Variants in CDH18 observed in about 807,000 individuals in gnomAD.
The protein encoded by CDH18 is cadherin-18.
In CDH18, 31 loss-of-function variants were observed where a neutral mutation model predicts 67.9. That is an observed-to-expected ratio of 0.46 (90% CI 0.34 to 0.62). The LOEUF is 0.62. CDH18 is among the 20% of genes least tolerant of loss of function. CDH18 has a pLI of 0.01. For missense variants in CDH18, 890 were observed against 975.5 expected, an observed-to-expected ratio of 0.91 and a Z score of 1.17; for synonymous variants, 362 against 347.2, an observed-to-expected ratio of 1.04 and a Z score of -0.48.
intron 1 of CDH18, among the ~76,000 whole-genome samples, chr5:20,360,828 A>T (rs1259563958): frequency 6.6e-6 from 1 of 151,884 alleles, no homozygotes; most frequent in Non-Finnish European, 1.5e-5. Flanking sequence ...TGTAAGCCTA[A>T]TTTTTTTTCA....
At chr5:19,763,579 A>G (rs1239532981) in intron 3 of CDH18, among the ~76,000 whole-genome samples, 3 of 152,218 alleles carry the variant, frequency 2.0e-5, no homozygotes, top group African/African-American at 7.2e-5. Context: ...GCAGATATAT[A>G]GAGAAGTCAT....
At chr5:20,466,534 TGAATAA>T (rs1343689992) in intron 1 of CDH18, among the ~76,000 whole-genome samples, 3 of 152,122 alleles carry the variant, frequency 2.0e-5, no homozygotes, top group South Asian at 2.1e-4. Flanking sequence ...AAATACATAT[TGAATAA>T]GAATGAGTGA....
intron 2 of CDH18, among the ~76,000 whole-genome samples, chr5:20,022,304 T>C (rs1318064217): frequency 6.6e-6 from 1 of 152,210 alleles, no homozygotes; most frequent in Non-Finnish European, 1.5e-5. Flanking sequence ...AAGTAGCTGG[T>C]AAGGTTTGGA....
intron 2 of CDH18, among the ~76,000 whole-genome samples, chr5:20,103,958 T>C (rs1422953142): frequency 6.6e-6 from 1 of 151,576 alleles, no homozygotes; most frequent in Non-Finnish European, 1.5e-5. Context: ...TACAGTAACA[T>C]GCCATACAGG....
intron 3 of CDH18, among the ~76,000 whole-genome samples, chr5:19,810,664 A>G (rs1246535328): frequency 2.6e-5 from 4 of 152,102 alleles, no homozygotes; most frequent in African/African-American, 4.8e-5. Context: ...AATTAGGTGT[A>G]AAAATCTTAA....
At chr5:20,137,374 C>A (rs1037799976) in intron 2 of CDH18, among the ~76,000 whole-genome samples, 3 of 152,072 alleles carry the variant, frequency 2.0e-5, no homozygotes, top group African/African-American at 7.2e-5. Flanking sequence ...TTGATTGAAT[C>A]GGCTACTGAA....
intron 2 of CDH18, among the ~76,000 whole-genome samples, chr5:19,911,236 G>A (rs913818581): frequency 6.6e-6 from 1 of 152,128 alleles, no homozygotes; most frequent in Non-Finnish European, 1.5e-5. Flanking sequence ...TGGTGGCTGA[G>A]CATGCTGATC....
chr5:20,178,656 T>C (rs960593166), intron 2 of CDH18, among the ~76,000 whole-genome samples: 1 of 151,344 alleles, frequency 6.6e-6, no homozygotes, highest in Admixed American at 6.6e-5. Context: ...GGCAAAATGG[T>C]GAGTGGAAAA....
chr5:19,785,086 G>A (rs1161077515), intron 3 of CDH18, among the ~76,000 whole-genome samples: 1 of 152,036 alleles, frequency 6.6e-6, no homozygotes, highest in Non-Finnish European at 1.5e-5. Flanking sequence ...ACCACCTCAG[G>A]CACACATTCT....
At chr5:19,717,561 C>A (rs1581034164) in intron 5 of CDH18, among the ~76,000 whole-genome samples, 1 of 151,982 alleles carries the variant, frequency 6.6e-6, no homozygotes, top group Non-Finnish European at 1.5e-5. Context: ...TTTATGGTTT[C>A]TGAAAAGGCA....
At chr5:20,109,788 T>C (rs775718706) in intron 2 of CDH18, among the ~76,000 whole-genome samples, 1 of 152,370 alleles carries the variant, frequency 6.6e-6, no homozygotes, top group Non-Finnish European at 1.5e-5. Flanking sequence ...ATCTTTCTCC[T>C]GCTTTGTTCC....
At chr5:19,857,473 C>A (rs781155250) in intron 2 of CDH18, among the ~76,000 whole-genome samples, 1 of 151,956 alleles carries the variant, frequency 6.6e-6, no homozygotes, top group Admixed American at 6.6e-5. Flanking sequence ...AAAAATAATG[C>A]CTTTAACACA....
intron 11 of CDH18, among the ~76,000 whole-genome samples, chr5:19,492,476 G>T (rs1741627044): frequency 6.6e-6 from 1 of 152,074 alleles, no homozygotes; most frequent in South Asian, 2.1e-4. Context: ...AAGTTAAGCA[G>T]TTAAAATTAT....
intron 9 of CDH18, among the ~76,000 whole-genome samples, chr5:19,537,365 C>G (rs1749583176): frequency 6.6e-6 from 1 of 151,482 alleles, no homozygotes; most frequent in African/African-American, 2.4e-5. Flanking sequence ...TCTACCTGTT[C>G]CCCCTCTCTC....
intron 1 of CDH18, among the ~76,000 whole-genome samples, chr5:20,368,541 A>G (rs1413758098): frequency 6.6e-6 from 1 of 152,150 alleles, no homozygotes; most frequent in African/African-American, 2.4e-5. Flanking sequence ...TCATATCTGA[A>G]TTTTTTGAGG....
intron 2 of CDH18, among the ~76,000 whole-genome samples, chr5:19,966,205 T>C (rs1351516546): frequency 6.6e-6 from 1 of 152,184 alleles, no homozygotes; most frequent in Non-Finnish European, 1.5e-5. Context: ...AAACATACTA[T>C]ATGCTTATTT....
intron 2 of CDH18, among the ~76,000 whole-genome samples, chr5:20,048,542 T>C (rs1741109897): frequency 6.6e-6 from 1 of 151,732 alleles, no homozygotes; most frequent in Admixed American, 6.6e-5. Context: ...ATTATTCCAA[T>C]GCAAAATCAG....
At chr5:19,934,589 A>G (rs1212307898) in intron 2 of CDH18, among the ~76,000 whole-genome samples, 8 of 151,470 alleles carry the variant, frequency 5.3e-5, no homozygotes, top group African/African-American at 1.9e-4. Flanking sequence ...TTTTACTTCC[A>G]TTTCATAAAA....
chr5:20,230,816 TC>T (rs1214923947), intron 2 of CDH18, among the ~76,000 whole-genome samples: 16 of 152,256 alleles, frequency 1.1e-4, no homozygotes, highest in South Asian at 6.2e-4. Context: ...TAGCAAAGGC[TC>T]CAAAAACCCA....
Sources: gnomAD v4.1 joint callset for allele counts (sites outside exome capture counted in the v4.1 genomes callset) on GRCh38, gnomAD v4.1.1 for gene constraint, MANE v1.5 for transcripts, NCBI Gene and HGNC (gene_info 2026-07-23, HGNC 2026-07-21) for gene names.